ACSL5: variants seen among roughly 807,000 people sequenced by gnomAD.
The protein encoded by ACSL5 is long-chain-fatty-acid--CoA ligase 5.
A neutral mutation model predicts 84.9 loss-of-function variants in ACSL5; 50 were observed. The ratio of observed to expected loss-of-function variants is 0.59; its 90% CI spans 0.47 to 0.75. The LOEUF (loss-of-function observed/expected upper bound fraction) is 0.75, where lower values mean the gene tolerates loss of function less well. Among genes scored for constraint, ACSL5 ranks in the 30% least tolerant of loss-of-function variants. The pLI is 0.00. For missense variants in ACSL5, 775 were observed against 830.4 expected, an observed-to-expected ratio of 0.93 and a Z score of 0.82; for synonymous variants, 280 against 300.7, an observed-to-expected ratio of 0.93 and a Z score of 0.71.
Position 112,407,295 on chromosome 10 carries a change from C to T in ACSL5, c.433-1127C>T, listed in dbSNP as rs575164810. 2.2e-3 allele frequency among the ~76,000 whole-genome samples: 342 copies of T among 152,254 alleles called. 3 individuals carry two copies. Among genetic ancestry groups the T allele is most frequent in the African/African-American group, 7.1e-3 (296 of 41,542 alleles). ...CTGGAGTACAGTGGTGCCATCTCAG[C>T]TCACTGCAACCTCCACCTCCCGGGT... On this transcript the variant is annotated intron_variant, in intron 5 of 20. Coordinates refer to ENST00000354655, the MANE Select transcript of ACSL5 (RefSeq NM_203379.2).
chr10:112,399,733 T>G (rs1843832911), intron 3 of ACSL5, among the ~76,000 whole-genome samples: 1 of 152,246 alleles, frequency 6.6e-6, no homozygotes, highest in Non-Finnish European at 1.5e-5. Flanking sequence ...GCATGTTAAC[T>G]AAGACTAAGA....
chr10:112,421,256 T>A (rs1016012525), intron 14 of ACSL5, among the ~76,000 whole-genome samples: 1 of 152,180 alleles, frequency 6.6e-6, no homozygotes, highest in Non-Finnish European at 1.5e-5. Context: ...CCTCCCAGGT[T>A]CAAGAGATTC....
intron 12 of ACSL5, 23 bp from the exon 13 acceptor site, chr10:112,416,865 T>G (rs1190923408): frequency 6.2e-7 from 1 of 1,611,534 alleles, no homozygotes; most frequent in African/African-American, 1.3e-5. Flanking sequence ...GGTTTCCAAC[T>G]AAAAGGAGCT....
chr10:112,415,155 T>C (rs1844285173), intron 12 of ACSL5, among the ~76,000 whole-genome samples: 1 of 152,258 alleles, frequency 6.6e-6, no homozygotes, highest in Non-Finnish European at 1.5e-5. Context: ...TATTGTATAA[T>C]ATAATACCTA....
At chr10:112,403,315 T>G (rs1378446731) in intron 3 of ACSL5, among the ~76,000 whole-genome samples, 1 of 152,248 alleles carries the variant, frequency 6.6e-6, no homozygotes, top group Non-Finnish European at 1.5e-5. Flanking sequence ...GAGACTGAGT[T>G]TTGCTCTTGT....
chr10:112,394,394 A>C (rs1013425721), intron 1 of ACSL5, among the ~76,000 whole-genome samples: 3 of 152,262 alleles, frequency 2.0e-5, no homozygotes, highest in Non-Finnish European at 2.9e-5. Flanking sequence ...AGACATGTCT[A>C]GCCAGCAGGA....
At chr10:112,382,308 A>T (rs1425422950) in intron 1 of ACSL5, among the ~76,000 whole-genome samples, 1 of 152,224 alleles carries the variant, frequency 6.6e-6, no homozygotes, top group Non-Finnish European at 1.5e-5. Context: ...GGGATTGAAC[A>T]CTGCAAACTT....
At chr10:112,374,314 G>C (rs993108936) in intron 1 of ACSL5, 45 bp downstream of exon 1, 3 of 152,164 alleles carry the variant, frequency 2.0e-5, no homozygotes, top group African/African-American at 7.2e-5. Context: ...ATATATCTGT[G>C]AGATAGTAGG....
chr10:112,381,201 C>T (rs903780420), intron 1 of ACSL5, among the ~76,000 whole-genome samples: 10 of 152,162 alleles, frequency 6.6e-5, no homozygotes, highest in Non-Finnish European at 2.9e-5. Flanking sequence ...ACCTCTTCCT[C>T]CTTCAAAACC....
intron 12 of ACSL5, among the ~76,000 whole-genome samples, chr10:112,414,577 C>T (rs959902678): frequency 1.3e-5 from 2 of 151,868 alleles, no homozygotes; most frequent in African/African-American, 4.8e-5. Flanking sequence ...AGGCTGGTCT[C>T]GAACTCCTGA....
At chr10:112,393,414 G>C (rs1484716215) in intron 1 of ACSL5, among the ~76,000 whole-genome samples, 2 of 152,202 alleles carry the variant, frequency 1.3e-5, no homozygotes, top group African/African-American at 2.4e-5. Flanking sequence ...CAGAAAGATA[G>C]TAAGAGTGGC....
At chr10:112,374,477 T>C (rs1849202712) in intron 1 of ACSL5, among the ~76,000 whole-genome samples, 1 of 152,260 alleles carries the variant, frequency 6.6e-6, no homozygotes, top group African/African-American at 2.4e-5. Flanking sequence ...TGGAGATATA[T>C]GAGCTATCCA....
intron 7 of ACSL5, among the ~76,000 whole-genome samples, chr10:112,409,909 G>A (rs553892000): frequency 8.5e-5 from 13 of 152,294 alleles, no homozygotes; most frequent in African/African-American, 2.9e-4. Flanking sequence ...GGACTTCTAA[G>A]TGGATAATAT....
At chr10:112,408,598 A>G (rs1844104859) in intron 6 of ACSL5, 77 bp downstream of exon 6, 1 of 1,110,228 alleles carries the variant, frequency 9.0e-7, no homozygotes, top group Admixed American at 1.8e-5. Flanking sequence ...TTTTTTGTTT[A>G]TTTGTTTGTT....
chr10:112,411,161 G>A (rs538056699), intron 9 of ACSL5, among the ~76,000 whole-genome samples: 75 of 152,126 alleles, frequency 4.9e-4, no homozygotes, highest in Non-Finnish European at 7.8e-4. Flanking sequence ...CATGAGATGT[G>A]GGGCAGAGGG....
intron 1 of ACSL5, chr10:112,376,537 T>C: frequency 6.4e-7 from 1 of 1,562,282 alleles, no homozygotes; most frequent in Non-Finnish European, 8.7e-7. Flanking sequence ...CCCCCGACTT[T>C]CTTTAAGCGA....
At chr10:112,392,546 C>A (rs1191600975) in intron 1 of ACSL5, among the ~76,000 whole-genome samples, 1 of 152,088 alleles carries the variant, frequency 6.6e-6, no homozygotes, top group Non-Finnish European at 1.5e-5. Flanking sequence ...TCGAGACCAT[C>A]CTGGCCAACA....
intron 17 of ACSL5, chr10:112,424,482 T>C (rs1564745361): frequency 1.3e-5 from 2 of 152,248 alleles, no homozygotes; most frequent in African/African-American, 2.4e-5. Context: ...AATATATTTG[T>C]TTCTGTCTAG....
intron 1 of ACSL5, chr10:112,376,421 GC>G: frequency 6.2e-7 from 1 of 1,614,122 alleles, no homozygotes; most frequent in Non-Finnish European, 8.5e-7. Context: ...TTCACTAGAA[GC>G]ACTGAGAGAT....
Sources: gnomAD v4.1 joint callset for allele counts (sites outside exome capture counted in the v4.1 genomes callset) on GRCh38, gnomAD v4.1.1 for gene constraint, MANE v1.5 for transcripts, NCBI Gene and HGNC (gene_info 2026-07-23, HGNC 2026-07-21) for gene names.